LGSN: variants seen among roughly 807,000 people sequenced by gnomAD.
The protein encoded by LGSN is lengsin, lens protein with glutamine synthetase domain.
In LGSN, 21 loss-of-function variants were observed where a neutral mutation model predicts 19.5. The observed-to-expected ratio is 1.07, with a 90% CI of 0.76 to 1.55. The LOEUF is 1.55. LGSN is among the 40% of genes most tolerant of loss of function. LGSN has a pLI of 0.00. For missense variants in LGSN, 673 were observed against 608.5 expected, an observed-to-expected ratio of 1.11 and a Z score of -1.12; for synonymous variants, 257 against 215.6, an observed-to-expected ratio of 1.19 and a Z score of -1.68.
chr6:63,368,591 C>T, the LGSN span, among the ~76,000 whole-genome samples: 4 of 152,214 alleles, frequency 2.6e-5, no homozygotes, highest in African/African-American at 7.2e-5. Context: ...CTCCTCCCCC[C>T]ACTCCACACA....
the LGSN span, among the ~76,000 whole-genome samples, chr6:63,532,168 T>A: frequency 6.6e-6 from 1 of 152,216 alleles, no homozygotes; most frequent in Non-Finnish European, 1.5e-5. Flanking sequence ...AAATTAGAAA[T>A]AACAATTCAA....
At chr6:63,359,312 T>C in the LGSN span, among the ~76,000 whole-genome samples, 228 of 152,342 alleles carry the variant, frequency 1.5e-3, no homozygotes, top group African/African-American at 5.2e-3. Flanking sequence ...GTTGTGTCTC[T>C]GCCCAGCTTT....
the LGSN span, among the ~76,000 whole-genome samples, chr6:63,411,469 T>C: frequency 1.3e-5 from 2 of 152,196 alleles, no homozygotes; most frequent in African/African-American, 2.4e-5. Flanking sequence ...ACTTGATCTA[T>C]AGTTCTATTG....
the LGSN span, among the ~76,000 whole-genome samples, chr6:63,564,507 C>T: frequency 3.9e-3 from 592 of 152,226 alleles, 6 homozygotes; most frequent in African/African-American, 0.013. Flanking sequence ...AACATTTCTC[C>T]TTATGTAAGG....
At chr6:63,349,037 C>T in the LGSN span, among the ~76,000 whole-genome samples, 108 of 152,044 alleles carry the variant, frequency 7.1e-4, no homozygotes, top group Admixed American at 2.8e-3. Flanking sequence ...GAAAAGGGGG[C>T]AGAAGTCAAA....
the LGSN span, among the ~76,000 whole-genome samples, chr6:63,534,220 T>TA: frequency 2.4e-4 from 36 of 151,478 alleles, no homozygotes; most frequent in Non-Finnish European, 2.9e-4. Context: ...CAATTACGTT[T>TA]AAAAAAAAAG....
chr6:63,376,780 T>C, the LGSN span, among the ~76,000 whole-genome samples: 2 of 152,228 alleles, frequency 1.3e-5, no homozygotes, highest in African/African-American at 2.4e-5. Flanking sequence ...TTGAGTCAGT[T>C]TGCTAGCTAA....
At chr6:63,413,546 A>G in the LGSN span, among the ~76,000 whole-genome samples, 1 of 152,334 alleles carries the variant, frequency 6.6e-6, no homozygotes, top group Non-Finnish European at 1.5e-5. Flanking sequence ...GGCTAGAAAT[A>G]GAGATTCCTG....
At chr6:63,377,913 CAAAA>C in the LGSN span, among the ~76,000 whole-genome samples, 11 of 54,324 alleles carry the variant, frequency 2.0e-4, no homozygotes, top group Non-Finnish European at 3.9e-4. Context: ...GACTCCATCT[CAAAA>C]AAAAAAAAAA....
chr6:63,363,727 G>C, the LGSN span, among the ~76,000 whole-genome samples: 1,048 of 152,304 alleles, frequency 6.9e-3, 5 homozygotes, highest in South Asian at 0.011. Context: ...CATCGGATTG[G>C]TGTACCTGAA....
chr6:63,443,865 T>G, the LGSN span, among the ~76,000 whole-genome samples: 2 of 150,116 alleles, frequency 1.3e-5, no homozygotes, highest in Non-Finnish European at 2.9e-5. Context: ...TTCTAGTTGT[T>G]ACACAAAGCT....
intron 1 of LGSN, among the ~76,000 whole-genome samples, chr6:63,305,568 G>A (rs2127392752): frequency 6.6e-6 from 1 of 152,292 alleles, no homozygotes; most frequent in Admixed American, 6.5e-5. Flanking sequence ...GAAACTCCCA[G>A]CTGTAACTAA....
At chr6:63,410,909 G>T in the LGSN span, among the ~76,000 whole-genome samples, 3 of 152,108 alleles carry the variant, frequency 2.0e-5, no homozygotes, top group African/African-American at 7.2e-5. Context: ...GTCAAAACCA[G>T]TTTTTTTCCA....
At chr6:63,361,677 C>T in the LGSN span, among the ~76,000 whole-genome samples, 40 of 152,120 alleles carry the variant, frequency 2.6e-4, no homozygotes, top group Middle Eastern at 0.01. Context: ...ACCAACTTTC[C>T]GACAATCCCC....
chr6:63,507,703 A>G, the LGSN span, among the ~76,000 whole-genome samples: 14 of 152,144 alleles, frequency 9.2e-5, no homozygotes, highest in African/African-American at 3.1e-4. Context: ...AACAATGAGT[A>G]CCTGAATTAT....
At chr6:63,334,464 C>A in the LGSN span, among the ~76,000 whole-genome samples, 1 of 152,114 alleles carries the variant, frequency 6.6e-6, no homozygotes, top group Non-Finnish European at 1.5e-5. Flanking sequence ...GAAGAGGACA[C>A]AAACAAATAG....
the LGSN span, among the ~76,000 whole-genome samples, chr6:63,565,095 T>G: frequency 6.6e-6 from 1 of 152,056 alleles, no homozygotes; most frequent in Non-Finnish European, 1.5e-5. Flanking sequence ...ACTGCAGCCC[T>G]AACAACTCCT....
the LGSN span, chr6:63,481,924 T>C: frequency 5.6e-6 from 1 of 177,168 alleles, no homozygotes. Flanking sequence ...GCTTGAAAGA[T>C]TAATTAGTTA....
chr6:63,465,544 G>T, the LGSN span, among the ~76,000 whole-genome samples: 1 of 152,118 alleles, frequency 6.6e-6, no homozygotes, highest in Non-Finnish European at 1.5e-5. Flanking sequence ...GGTGGCCATG[G>T]TGAGAGTATT....
Sources: allele counts gnomAD v4.1 joint callset (sites outside exome capture counted in the v4.1 genomes callset), GRCh38; gene constraint gnomAD v4.1.1; transcripts MANE v1.5; gene names NCBI Gene and HGNC (gene_info 2026-07-23, HGNC 2026-07-21).